ARHGAP17: variants seen among roughly 807,000 people sequenced by gnomAD.
ARHGAP17 encodes the protein Rho GTPase activating protein 17, also known as rho GTPase-activating protein 17.
In ARHGAP17, 57 loss-of-function variants were observed where a neutral mutation model predicts 99.5. The ratio of observed to expected loss-of-function variants is 0.57; its 90% CI spans 0.46 to 0.71. The LOEUF (loss-of-function observed/expected upper bound fraction) is 0.71. Among genes scored for constraint, ARHGAP17 ranks in the 30% least tolerant of loss-of-function variants. The probability of loss-of-function intolerance (pLI) is 0.00; values close to 1 mark genes in which losing one functional copy is unlikely to be tolerated. For synonymous variants in ARHGAP17, 417 were observed against 429.6 expected (o/e 0.97, Z 0.36); for missense variants, 1,000 against 1,122.4 (o/e 0.89, Z 1.56).
At chr16:24,922,759 T>A (rs927476478) in intron 19 of ARHGAP17, among the ~76,000 whole-genome samples, 10 of 152,080 alleles carry the variant, frequency 6.6e-5, no homozygotes, top group African/African-American at 2.2e-4. Flanking sequence ...CACTGCAGCC[T>A]CCACCTCCTG....
intron 17 of ARHGAP17, chr16:24,936,068 G>A (rs749127783): frequency 6.1e-5 from 18 of 296,704 alleles, no homozygotes; most frequent in Admixed American, 1.5e-4. Context: ...GTTCTACTGC[G>A]TTTGGACTTA....
intron 19 of ARHGAP17, among the ~76,000 whole-genome samples, chr16:24,926,044 A>C (rs566919731): frequency 7.8e-4 from 116 of 149,074 alleles, no homozygotes; most frequent in Non-Finnish European, 5.9e-4. Flanking sequence ...CAGGAGGCGG[A>C]GCTTGCAGTG....
intron 4 of ARHGAP17, among the ~76,000 whole-genome samples, chr16:24,969,023 TAAC>T (rs2052281601): frequency 6.6e-6 from 1 of 152,180 alleles, no homozygotes; most frequent in Non-Finnish European, 1.5e-5. Context: ...AACAGTGAAA[TAAC>T]AAATTACTCA....
At chr16:25,011,865 A>G (rs774901680) in intron 1 of ARHGAP17, among the ~76,000 whole-genome samples, 5 of 152,174 alleles carry the variant, frequency 3.3e-5, no homozygotes, top group Non-Finnish European at 5.9e-5. Flanking sequence ...GATATTTGAA[A>G]TAAGGGCTTG....
intron 3 of ARHGAP17, among the ~76,000 whole-genome samples, chr16:24,975,353 GA>G (rs2052484149): frequency 6.6e-6 from 1 of 152,186 alleles, no homozygotes; most frequent in African/African-American, 2.4e-5. Context: ...GAAGCCATAA[GA>G]ACAGAGGAGG....
chr16:24,954,829 T>C (rs2051759063), intron 9 of ARHGAP17, 99 bp from the exon 10 acceptor site: 6 of 1,499,242 alleles, frequency 4.0e-6, no homozygotes, highest in Non-Finnish European at 5.4e-6. Flanking sequence ...AGCCGACTGG[T>C]AGGTGAGGCT....
chr16:24,988,323 T>C (rs769693919), intron 1 of ARHGAP17, among the ~76,000 whole-genome samples: 13 of 152,126 alleles, frequency 8.5e-5, no homozygotes, highest in Non-Finnish European at 1.5e-4. Context: ...TACAGAACTC[T>C]AAAGGGATGT....
rs148278665 is a variant in ARHGAP17 at position 24,981,748 on chromosome 16, C to T, written c.54-2743G>A. ...TTTTTTAAAAATAGCATGTTACTTA[C>T]ACTTTTAAGTAGCATGCTTGATTGA... On this transcript the variant is annotated intron_variant, in intron 1 of 19. Transcript: ENST00000289968. Among the ~76,000 whole-genome samples, 1,334 of 152,240 alleles carry T rather than the reference C, an allele frequency of 8.8e-3. 82 individuals carry two copies. The highest frequency in any genetic ancestry group is 0.078 in the Admixed American group (1,185 of 15,290).
intron 19 of ARHGAP17, among the ~76,000 whole-genome samples, chr16:24,928,688 G>A (rs11859406): frequency 0.034 from 5,157 of 152,212 alleles, 269 homozygotes; most frequent in African/African-American, 0.11. Flanking sequence ...GAGCACTCTG[G>A]CTAAGGGGCC....
intron 2 of ARHGAP17, among the ~76,000 whole-genome samples, chr16:24,978,638 C>A (rs1213358043): frequency 6.6e-6 from 1 of 152,064 alleles, no homozygotes; most frequent in Admixed American, 6.6e-5. Flanking sequence ...ACTCATTAAA[C>A]CCTCCTAACA....
At chr16:24,992,537 T>C (rs2053077937) in intron 1 of ARHGAP17, among the ~76,000 whole-genome samples, 1 of 152,046 alleles carries the variant, frequency 6.6e-6, no homozygotes, top group Non-Finnish European at 1.5e-5. Flanking sequence ...GGTTTCACCA[T>C]GTTGGCCAGG....
intron 14 of ARHGAP17, among the ~76,000 whole-genome samples, chr16:24,946,092 C>A (rs973958089): frequency 1.8e-4 from 27 of 152,076 alleles, no homozygotes; most frequent in African/African-American, 6.5e-4. Context: ...TGACAATTTC[C>A]CAGAAGCTTT....
At chr16:24,924,430 G>C (rs2050789412) in intron 19 of ARHGAP17, among the ~76,000 whole-genome samples, 1 of 136,056 alleles carries the variant, frequency 7.3e-6, no homozygotes, top group South Asian at 2.4e-4. Context: ...TTTTATTGGA[G>C]GTCTCTTTTC....
chr16:25,006,960 G>T (rs140795473), intron 1 of ARHGAP17, among the ~76,000 whole-genome samples: 1 of 152,288 alleles, frequency 6.6e-6, no homozygotes, highest in African/African-American at 2.4e-5. Context: ...TCACCCAGGG[G>T]AACGGTCTGA....
Position 24,968,731 on chromosome 16 carries a change from G to A in ARHGAP17, c.314C>T (p.Ala105Val), listed in dbSNP as rs1190629416. The A allele has an allele frequency of 1.2e-6, 2 of 1,614,188 alleles. No homozygotes were observed. Among genetic ancestry groups the A allele is most frequent in the Non-Finnish European group, 1.7e-6 (2 of 1,180,046 alleles). ...ETCGDAENQL[A>V]LELSQHEVFV... ...GACTTCGTGCTGGGAGAGCTCGAGA[G>A]CCAGCTGATTCTCAGCATCTCCACA... The change falls in exon 5 of 20, where the codon GCT becomes GTT. Residue 105 changes from alanine to valine, a missense_variant. Ala to Val is a moderately conservative substitution (Grantham distance 64). Transcript: ENST00000289968.
chr16:24,941,323 G>A (rs1189144667), intron 16 of ARHGAP17, among the ~76,000 whole-genome samples: 1 of 152,092 alleles, frequency 6.6e-6, no homozygotes, highest in Non-Finnish European at 1.5e-5. Flanking sequence ...TGAGTACAGT[G>A]GCATTTCATC....
At chr16:24,933,761 G>C (rs1167870373) in intron 18 of ARHGAP17, among the ~76,000 whole-genome samples, 1 of 152,086 alleles carries the variant, frequency 6.6e-6, no homozygotes, top group Non-Finnish European at 1.5e-5. Flanking sequence ...GAGGGGGCTG[G>C]GAGAAATGGA....
Position 24,929,212 on chromosome 16 carries a change from G to A in ARHGAP17, c.2515+1572C>T, listed in dbSNP as rs116153266. Among the ~76,000 whole-genome samples the A allele has an allele frequency of 2.3e-3, 340 of 150,058 alleles. 3 individuals carry two copies. Among genetic ancestry groups the A allele is most frequent in the African/African-American group, 8.1e-3 (328 of 40,564 alleles). ...CTCACTCTGTCATGCAGGCTGGACT[G>A]CAGTGTGCAGTGACACAATCACTAC... is the stretch of plus-strand genomic sequence containing the variant. On this transcript the variant is annotated intron_variant, in intron 19 of 19. Transcript: ENST00000289968.
In ARHGAP17 at chr16:24,947,535, G is replaced by T; in HGVS notation, c.1188C>A (p.Pro396=). 6.2e-7 allele frequency: 1 copy of T among 1,613,652 alleles called. No homozygotes were observed. Reference sequence around the variant, plus strand: ...GGCCTAACACAATCGCAATGTTGCTGGGAGTCATTTTATTCACATCGCTGG... The same window carrying T: ...GGCCTAACACAATCGCAATGTTGCTTGGAGTCATTTTATTCACATCGCTGG... ...AQTSDVNKMT[P]SNIAIVLGPN... is the part of the protein sequence containing the mutation. The change falls in exon 14 of 20, where the codon CCC becomes CCA. Residue 396 remains proline (P), a synonymous_variant. Coordinates refer to ENST00000289968, the MANE Select transcript of ARHGAP17 (RefSeq NM_001006634.3).
Sources: gnomAD v4.1 joint callset for allele counts (sites outside exome capture counted in the v4.1 genomes callset) on GRCh38, gnomAD v4.1.1 for gene constraint, MANE v1.5 for transcripts, NCBI Gene and HGNC (gene_info 2026-07-23, HGNC 2026-07-21) for gene names.